Variants in FREM1 observed in about 807,000 individuals in gnomAD.
FREM1 encodes FRAS1 related extracellular matrix 1.
FREM1 carries 220 observed loss-of-function variants against 210.1 expected under a neutral mutation model. That is an observed-to-expected ratio of 1.05 (90% CI 0.94 to 1.17). The LOEUF is 1.17. Ranked by LOEUF, FREM1 falls within the 50% of genes most tolerant of loss-of-function variation. FREM1 has a pLI of 0.00. For synonymous variants in FREM1, 1,189 were observed against 980.2 expected (o/e 1.21, Z -3.98); for missense variants, 3,454 against 2,675.5 (o/e 1.29, Z -6.42).
chr9:14,747,169 C>T lies in FREM1; in HGVS notation c.6009+95G>A, dbSNP rs1393998181. ...GCATTTGTGTTGGGTAAACTATCCC[C>T]CCAACCTTGGAGGCTATTTTGTGAA... On this transcript the variant is annotated intron_variant, in intron 33 of 36. Transcript: ENST00000380880. The T allele has an allele frequency of 3.2e-6, 5 of 1,576,164 alleles. No individual in the cohort carries two copies. The African/African-American group carries it at 6.8e-5, about 21-fold the overall frequency.
chr9:14,762,313 G>A (rs561692518), intron 27 of FREM1, among the ~76,000 whole-genome samples: 2 of 152,278 alleles, frequency 1.3e-5, no homozygotes, highest in African/African-American at 4.8e-5. Context: ...CATCAGTAGG[G>A]TTCAAATGAG....
At chr9:14,869,893 T>A in intron 1 of FREM1, among the ~76,000 whole-genome samples, 1 of 152,360 alleles carries the variant, frequency 6.6e-6, no homozygotes, top group Middle Eastern at 3.4e-3. Context: ...GCACAGCTAA[T>A]GACACAGCAT....
At chr9:14,792,099 T>G (rs1045284180) in intron 22 of FREM1, among the ~76,000 whole-genome samples, 1 of 152,146 alleles carries the variant, frequency 6.6e-6, no homozygotes, top group Admixed American at 6.5e-5. Flanking sequence ...CACCTTGGCC[T>G]CCCAAAGTGC....
intron 20 of FREM1, among the ~76,000 whole-genome samples, chr9:14,798,017 T>C (rs529895884): frequency 2.0e-5 from 3 of 152,252 alleles, no homozygotes; most frequent in Admixed American, 6.5e-5. Context: ...TCTTAATAGG[T>C]CAAAACTTAA....
At position 14,863,849 on chromosome 9, in the gene FREM1, G is replaced by C. The variant is rs546547752; in HGVS notation, c.289C>G (p.Pro97Ala). 3 of 1,613,422 alleles carry C rather than the reference G, an allele frequency of 1.9e-6. No individual in the cohort carries two copies. The highest frequency in any genetic ancestry group is 1.7e-4 in the Middle Eastern group (1 of 6,060). ...TTCACTGTGTCTTCATCAAGAATTGGACAACCATTGTGAACATACTTGACT... is the reference window on the plus strand; with the variant it reads ...TTCACTGTGTCTTCATCAAGAATTGCACAACCATTGTGAACATACTTGACT... ...NEVKYVHNGC[P>A]ILDEDTVKLR... is the part of the protein sequence containing the mutation. Residue 97 changes from proline to alanine, a missense_variant, in exon 3 of 37, where the codon CCA (proline) becomes GCA (alanine). Pro to Ala is a conservative substitution (Grantham distance 27). Transcript: ENST00000380880.
chr9:14,837,815 G>A (rs1824914122), intron 10 of FREM1, among the ~76,000 whole-genome samples: 1 of 152,152 alleles, frequency 6.6e-6, no homozygotes, highest in Non-Finnish European at 1.5e-5. Flanking sequence ...TTTAATTATT[G>A]AAATGCTTCA....
chr9:14,803,338 CT>C (rs1176930931), intron 19 of FREM1, among the ~76,000 whole-genome samples: 17 of 138,356 alleles, frequency 1.2e-4, no homozygotes, highest in East Asian at 2.1e-4. Context: ...CCCTACCCTC[CT>C]CCTTCCTTCC....
chr9:14,876,654 G>A (rs1442020404), intron 1 of FREM1, among the ~76,000 whole-genome samples: 3 of 152,104 alleles, frequency 2.0e-5, no homozygotes, highest in Middle Eastern at 3.2e-3. Flanking sequence ...GCCTCACCCT[G>A]CTTCGGCTCA....
In FREM1 at chr9:14,863,864, C is replaced by G. The variant is rs1265517551; in HGVS notation, c.274G>C (p.Val92Leu). 4 of 1,613,382 alleles carry G rather than the reference C, an allele frequency of 2.5e-6. No homozygotes were observed. The East Asian group carries it at 8.9e-5, about 36-fold the overall frequency. Residue 92 changes from valine to leucine, a missense_variant, in exon 3 of 37, where the codon GTT becomes CTT. Physicochemically the swap from Val to Leu is conservative, Grantham distance 32 (BLOSUM62 1). Transcript: ENST00000380880. ...CHFLPNEVKY[V>L]HNGCPILDED... ...TCAAGAATTGGACAACCATTGTGAA[C>G]ATACTTGACTTCGTTGGGAAGGAAA...
Position 14,773,745 on chromosome 9 carries a change from G to C in FREM1, c.4857+2044C>G, listed in dbSNP as rs184281981. The stretch of plus-strand genomic sequence containing the variant: ...CTCTTACAATAGCCATGCTCTTTAA[G>C]ATGAGTGTTGGTGTTGGGAAAGACC... On this transcript the variant is annotated intron_variant, in intron 25 of 36. Transcript: ENST00000380880. Among the ~76,000 whole-genome samples the C allele has an allele frequency of 1.1e-4, 17 of 151,792 alleles. No individual in the cohort carries two copies. In the East Asian group the frequency reaches 1.9e-3, roughly 17 times the overall value.
chr9:14,889,315 A>T (rs1836365893), intron 1 of FREM1, among the ~76,000 whole-genome samples: 1 of 152,084 alleles, frequency 6.6e-6, no homozygotes, highest in Non-Finnish European at 1.5e-5. Flanking sequence ...TTGCCCCTTT[A>T]ATCTTTATTC....
At chr9:14,841,110 G>A (rs1376150737) in intron 10 of FREM1, among the ~76,000 whole-genome samples, 1 of 152,214 alleles carries the variant, frequency 6.6e-6, no homozygotes, top group African/African-American at 2.4e-5. Context: ...GGAAACTCAT[G>A]CAACCTAACT....
Position 14,812,807 on chromosome 9 carries a change from C to CT in FREM1, c.2893+4dup, listed in dbSNP as rs758560798. ...TCCCTCACTGGTCACCATGCTGCTG[C>CT]TTACCTGTGTGTTTGTATGTCACGG... On this transcript the variant is annotated splice_donor_region_variant and intron_variant, in intron 16 of 36. Transcript: ENST00000380880. 4.4e-6 allele frequency: 7 copies of CT among 1,599,808 alleles called. No homozygotes were observed. The African/African-American group carries it at 9.4e-5, about 21-fold the overall frequency.
chr9:14,769,675 A>G (rs1481039941), intron 27 of FREM1, 49 bp downstream of exon 27: 2 of 1,560,128 alleles, frequency 1.3e-6, no homozygotes, highest in Non-Finnish European at 1.7e-6. Flanking sequence ...ATATTCAGAT[A>G]CATTATGGAT....
intron 1 of FREM1, among the ~76,000 whole-genome samples, chr9:14,885,829 C>A (rs1458415890): frequency 6.6e-6 from 1 of 152,130 alleles, no homozygotes; most frequent in Non-Finnish European, 1.5e-5. Context: ...TATCTATTAC[C>A]TTACATATCT....
At chr9:14,838,288 C>T (rs1014462817) in intron 10 of FREM1, among the ~76,000 whole-genome samples, 1 of 152,106 alleles carries the variant, frequency 6.6e-6, no homozygotes, top group Non-Finnish European at 1.5e-5. Flanking sequence ...ATCAAGTAAT[C>T]ATTTTATCTG....
intron 17 of FREM1, 123 bp downstream of exon 17, chr9:14,807,817 T>C (rs529958182): frequency 1.2e-4 from 88 of 727,032 alleles, no homozygotes; most frequent in African/African-American, 1.1e-3. Context: ...GAGGTAATTA[T>C]TGAAGGACAA....
At chr9:14,865,592 C>G (rs1452078980) in intron 2 of FREM1, among the ~76,000 whole-genome samples, 1 of 151,514 alleles carries the variant, frequency 6.6e-6, no homozygotes, top group African/African-American at 2.4e-5. Context: ...AGTCGTCTTG[C>G]TAGAAATGGG....
Position 14,740,091 on chromosome 9 carries a change from C to G in FREM1, c.6340+58G>C, listed in dbSNP as rs541871666. 1.0e-5 allele frequency: 11 copies of G among 1,092,742 alleles called. No individual in the cohort carries two copies. The South Asian group carries it at 1.3e-4, about 13-fold the overall frequency. The allele number at this position is 1,092,742 out of a possible 1,614,324, so 67.7% of individuals were successfully genotyped here. On this transcript the variant is annotated intron_variant, in intron 36 of 36. Transcript: ENST00000380880. ...GAAGGAAGTAGCAGGGTGGTGGTGC[C>G]TGTTTGTTTCATGTCCTTGCCTCCC... is the stretch of plus-strand genomic sequence containing the variant.
Sources: allele counts gnomAD v4.1 joint callset (sites outside exome capture counted in the v4.1 genomes callset), GRCh38; gene constraint gnomAD v4.1.1; transcripts MANE v1.5; gene names NCBI Gene and HGNC (gene_info 2026-07-23, HGNC 2026-07-21).